Variants in EXOC6B observed in about 807,000 individuals in gnomAD.
The protein encoded by EXOC6B is SEC15 homolog B.
In EXOC6B, 54 loss-of-function variants were observed where a neutral mutation model predicts 113.5. That is an observed-to-expected ratio of 0.48 (90% CI 0.38 to 0.60). EXOC6B has a LOEUF of 0.60. Among genes scored for constraint, EXOC6B ranks in the 20% least tolerant of loss-of-function variants. EXOC6B has a pLI of 0.00. For synonymous variants in EXOC6B, 357 were observed against 339.0 expected (o/e 1.05, Z -0.58); for missense variants, 797 against 977.5 (o/e 0.82, Z 2.46).
At chr2:72,191,272 G>A (rs1678815019) in intron 20 of EXOC6B, among the ~76,000 whole-genome samples, 1 of 151,982 alleles carries the variant, frequency 6.6e-6, no homozygotes, top group Non-Finnish European at 1.5e-5. Context: ...CTAGGGCTTT[G>A]GCAAAGTTCT....
chr2:72,738,674 C>G (rs528414725), intron 2 of EXOC6B, among the ~76,000 whole-genome samples: 2 of 152,302 alleles, frequency 1.3e-5, no homozygotes, highest in African/African-American at 4.8e-5. Context: ...GAAAGACGCA[C>G]TATTGAGATT....
Position 72,679,184 on chromosome 2 carries a change from G to A in EXOC6B, c.669+38919C>T, listed in dbSNP as rs181440006. ...TGGGTTCAAGCGATTCTCCTGCCTCGGCTTCCCAAGTAGCTGGGATTACAG... is the reference window on the plus strand; with the variant it reads ...TGGGTTCAAGCGATTCTCCTGCCTCAGCTTCCCAAGTAGCTGGGATTACAG... On this transcript the variant is annotated intron_variant, in intron 6 of 21. Coordinates refer to ENST00000272427, the MANE Select transcript of EXOC6B (RefSeq NM_015189.3). Among the ~76,000 whole-genome samples, 28 of 151,722 alleles carry A rather than the reference G, an allele frequency of 1.8e-4. 2 individuals are homozygous for A. The highest frequency in any genetic ancestry group is 4.8e-4 in the African/African-American group (20 of 41,366).
At chr2:72,637,325 A>C (rs1672914228) in intron 6 of EXOC6B, among the ~76,000 whole-genome samples, 1 of 152,244 alleles carries the variant, frequency 6.6e-6, no homozygotes, top group Non-Finnish European at 1.5e-5. Context: ...AAAAGAAACT[A>C]TCATCAGAGA....
chr2:72,497,125 C>T (rs1700078412), intron 13 of EXOC6B, among the ~76,000 whole-genome samples: 2 of 151,658 alleles, frequency 1.3e-5, no homozygotes, highest in African/African-American at 4.8e-5. Context: ...AGTTGTTCAC[C>T]ACCACATCGG....
At chr2:72,391,269 C>T (rs1259647205) in intron 18 of EXOC6B, among the ~76,000 whole-genome samples, 7 of 151,958 alleles carry the variant, frequency 4.6e-5, no homozygotes, top group Non-Finnish European at 5.9e-5. Flanking sequence ...ATACTGTGGC[C>T]GGTAGTGGCT....
chr2:72,740,114 T>C (rs1453777673), intron 2 of EXOC6B, among the ~76,000 whole-genome samples: 1 of 152,172 alleles, frequency 6.6e-6, no homozygotes, highest in Non-Finnish European at 1.5e-5. Context: ...AAACTATCTA[T>C]AATCAATTGA....
intron 20 of EXOC6B, among the ~76,000 whole-genome samples, chr2:72,275,328 C>G (rs1198195226): frequency 6.6e-6 from 1 of 152,106 alleles, no homozygotes; most frequent in Non-Finnish European, 1.5e-5. Context: ...AGTTGTCTAA[C>G]CCATGTGTCA....
intron 18 of EXOC6B, among the ~76,000 whole-genome samples, chr2:72,430,688 A>G (rs1695469994): frequency 6.6e-6 from 1 of 152,210 alleles, no homozygotes; most frequent in Non-Finnish European, 1.5e-5. Context: ...TTAAAAATTC[A>G]TATCAGAGAA....
At chr2:72,445,061 A>C (rs146899178) in intron 18 of EXOC6B, among the ~76,000 whole-genome samples, 2 of 152,268 alleles carry the variant, frequency 1.3e-5, no homozygotes, top group Non-Finnish European at 2.9e-5. Context: ...AATGCTTTTA[A>C]CAGCATCCAA....
intron 6 of EXOC6B, among the ~76,000 whole-genome samples, chr2:72,638,529 C>G (rs538907474): frequency 4.6e-5 from 7 of 152,084 alleles, no homozygotes; most frequent in Non-Finnish European, 8.8e-5. Flanking sequence ...GGACAGAAAG[C>G]TGGGAACCCT....
In EXOC6B at chr2:72,379,936, A is replaced by G. The variant is rs937699541; in HGVS notation, c.1981-66T>C. Reference sequence around the variant, plus strand: ...ACATAAATTAAAATAAAATTTCAACAAAACTTAAAATTACTTCTTTTTCAA... The same window carrying G: ...ACATAAATTAAAATAAAATTTCAACGAAACTTAAAATTACTTCTTTTTCAA... On this transcript the variant is annotated intron_variant, in intron 18 of 21. Transcript: ENST00000272427. 2.8e-6 allele frequency: 4 copies of G among 1,428,822 alleles called. No homozygotes were observed. In the African/African-American group the frequency reaches 5.7e-5, roughly 20 times the overall value. 88.5% of individuals were successfully genotyped at this position (1,428,822 alleles called of 1,614,324 possible).
chr2:72,612,826 T>A lies in EXOC6B; in HGVS notation c.670-37158A>T, dbSNP rs184073318. Among the ~76,000 whole-genome samples, 601 of 152,352 alleles carry A rather than the reference T, an allele frequency of 3.9e-3. 4 individuals carry two copies. The highest frequency in any genetic ancestry group is 7.1e-3 in the Non-Finnish European group (485 of 68,038). ...CCGTATTTGTTTAAGCCCCACTGTTTCAAGTTTTCTCTTGTAAGCACATGT... is the reference window on the plus strand; with the variant it reads ...CCGTATTTGTTTAAGCCCCACTGTTACAAGTTTTCTCTTGTAAGCACATGT... On this transcript the variant is annotated intron_variant, in intron 6 of 21. Transcript: ENST00000272427.
chr2:72,490,067 T>C (rs538634802), intron 16 of EXOC6B, among the ~76,000 whole-genome samples: 1 of 152,162 alleles, frequency 6.6e-6, no homozygotes, highest in Admixed American at 6.5e-5. Context: ...AATAGGAATC[T>C]GTAAATTTTG....
intron 8 of EXOC6B, among the ~76,000 whole-genome samples, chr2:72,536,338 T>A (rs766763385): frequency 3.3e-4 from 50 of 152,210 alleles, no homozygotes; most frequent in Non-Finnish European, 5.1e-4. Context: ...CTGTCAACTG[T>A]ATTATTTCTT....
At chr2:72,648,910 G>A (rs530574939) in intron 6 of EXOC6B, among the ~76,000 whole-genome samples, 8 of 152,262 alleles carry the variant, frequency 5.3e-5, no homozygotes, top group Middle Eastern at 6.8e-3. Context: ...TTGGGAGGCC[G>A]AGGCAGGAGG....
At chr2:72,675,702 G>A (rs1014293068) in intron 6 of EXOC6B, among the ~76,000 whole-genome samples, 3 of 151,958 alleles carry the variant, frequency 2.0e-5, no homozygotes, top group African/African-American at 7.3e-5. Context: ...CTGAGATGGA[G>A]AGAACCACTT....
intron 19 of EXOC6B, among the ~76,000 whole-genome samples, chr2:72,346,798 C>T (rs1011337413): frequency 1.4e-4 from 22 of 152,116 alleles, no homozygotes; most frequent in African/African-American, 5.3e-4. Context: ...AGAACAATAG[C>T]AGGCTATATG....
intron 6 of EXOC6B, among the ~76,000 whole-genome samples, chr2:72,645,415 G>A (rs1373193563): frequency 6.6e-6 from 1 of 152,138 alleles, no homozygotes; most frequent in Non-Finnish European, 1.5e-5. Context: ...TCCAGGAATT[G>A]AACTCAGCTC....
rs148189153 is a variant in EXOC6B at position 72,611,765 on chromosome 2, C to T, written c.670-36097G>A. 2.0e-5 allele frequency among the ~76,000 whole-genome samples: 3 copies of T among 152,056 alleles called. 1 individual carries two copies. The South Asian group carries it at 6.2e-4, about 32-fold the overall frequency. ...AACAGTAGGAGAGTTGGTAAACAAA[C>T]TAAGGTACAACTACATCATGGGACA... On this transcript the variant is annotated intron_variant, in intron 6 of 21. Transcript: ENST00000272427.
Sources: allele counts gnomAD v4.1 joint callset (sites outside exome capture counted in the v4.1 genomes callset), GRCh38; gene constraint gnomAD v4.1.1; transcripts MANE v1.5; gene names NCBI Gene and HGNC (gene_info 2026-07-23, HGNC 2026-07-21).